PHKG1: variants seen among roughly 807,000 people sequenced by gnomAD.
The protein encoded by PHKG1 is phosphorylase b kinase gamma catalytic chain, skeletal muscle/heart isoform.
Under a neutral mutation model 50.5 loss-of-function variants are expected in PHKG1, and 48 were observed. The observed-to-expected ratio is 0.95, with a 90% CI of 0.75 to 1.21. The LOEUF is 1.21. PHKG1 is among the 50% of genes most tolerant of loss of function. The pLI is 0.00. For synonymous variants in PHKG1, 204 were observed against 212.8 expected, an observed-to-expected ratio of 0.96 and a Z score of 0.36; for missense variants, 487 against 519.5, an observed-to-expected ratio of 0.94 and a Z score of 0.61.
In PHKG1 at chr7:56,088,998, C is replaced by T. The variant is rs1021446328; in HGVS notation, c.-34-23G>A. 2.7e-5 allele frequency: 33 copies of T among 1,224,976 alleles called. No homozygotes were observed. The African/African-American group carries it at 2.8e-4, about 10-fold the overall frequency. The allele number at this position is 1,224,976 out of a possible 1,614,324, so 75.9% of individuals were successfully genotyped here. ...GCTCTGAGAGGGGAAAAGAAAGAAG[C>T]TGTCAGCCTTCCTGACCCAGGGGCT... On this transcript the variant is annotated intron_variant, in intron 1 of 9. Transcript: ENST00000297373.
chr7:56,087,462 A>C (rs1796304834), intron 3 of PHKG1, 136 bp downstream of exon 3: 6 of 752,726 alleles, frequency 8.0e-6, no homozygotes, highest in Non-Finnish European at 1.1e-5. Context: ...CTATCAGAGC[A>C]GTGAGGGTGG....
At chr7:56,088,605 C>A (rs1050230791) in intron 2 of PHKG1, 2 of 365,022 alleles carry the variant, frequency 5.5e-6, no homozygotes, top group Admixed American at 8.4e-5. Flanking sequence ...AATCCTCCCA[C>A]CTCAGCCTCC....
At position 56,088,906 on chromosome 7, in the gene PHKG1, A is replaced by G; in HGVS notation, c.36T>C (p.Ser12=). ...CATAATTCTCATAGAAGTCCTGTGC[A>G]GAATGAGAGTCCGGCAGTGCCTCGT... The part of the protein sequence containing the change: ...TRDEALPDSH[S]AQDFYENYEP... Residue 12 remains serine (S), a synonymous_variant, in exon 2 of 10, where the codon TCT becomes TCC. Coordinates refer to ENST00000297373, the MANE Select transcript of PHKG1 (RefSeq NM_006213.5). The G allele has an allele frequency of 6.2e-7, 1 of 1,613,930 alleles. No homozygotes were observed. Among genetic ancestry groups the G allele is most frequent in the Non-Finnish European group, 8.5e-7 (1 of 1,179,882 alleles).
In PHKG1 at chr7:56,080,652, C is replaced by G. The variant is rs1330280499; in HGVS notation, c.*402G>C. ...GGATGTCATGGGGCCAATAAAATCT[C>G]CTGCAATTGTGTATCTCAGACATTT... On this transcript the variant is annotated 3_prime_UTR_variant, in exon 10 of 10. Coordinates refer to ENST00000297373, the MANE Select transcript of PHKG1 (RefSeq NM_006213.5). 1.3e-5 allele frequency: 3 copies of G among 225,384 alleles called. No individual in the cohort carries two copies. In the Admixed American group the frequency reaches 1.6e-4, roughly 12 times the overall value. The allele number at this position is 225,384 out of a possible 1,614,324, so 14.0% of individuals were successfully genotyped here. A position where few individuals can be genotyped will look rare whatever the true frequency, so the allele number is the denominator to read the frequency against.
intron 6 of PHKG1, among the ~76,000 whole-genome samples, chr7:56,082,857 C>T (rs934398942): frequency 6.6e-6 from 1 of 151,890 alleles, no homozygotes; most frequent in Non-Finnish European, 1.5e-5. Context: ...CCTGTAATCA[C>T]AGCACTTTGG....
In PHKG1 at chr7:56,088,879, C is replaced by T. The variant is rs1348960310; in HGVS notation, c.63G>A (p.Glu21=). The change falls in exon 2 of 10, where the codon GAG becomes GAA. Residue 21 remains glutamate (E), a synonymous_variant. Coordinates refer to ENST00000297373, the MANE Select transcript of PHKG1 (RefSeq NM_006213.5). ...TTTACCTGCCCAGGATCTCTTTGGGCTCATAATTCTCATAGAAGTCCTGTG... is the reference window on the plus strand; with the variant it reads ...TTTACCTGCCCAGGATCTCTTTGGGTTCATAATTCTCATAGAAGTCCTGTG... The part of the protein sequence containing the change: ...HSAQDFYENY[E]PKEILGRGVS... The T allele has an allele frequency of 1.2e-6, 2 of 1,613,060 alleles. No homozygotes were observed. The highest frequency in any genetic ancestry group is 2.7e-5 in the African/African-American group (2 of 74,890).
intron 2 of PHKG1, among the ~76,000 whole-genome samples, chr7:56,088,039 T>A (rs1584630431): frequency 1.4e-5 from 2 of 145,486 alleles, no homozygotes; most frequent in South Asian, 4.4e-4. Context: ...CAGTGCTTTT[T>A]TTTTTTTTTT....
rs762514389 is a variant in PHKG1, at chr7:56,087,822, TG to T, written c.84-47del. On this transcript the variant is annotated intron_variant, in intron 2 of 9. Coordinates refer to ENST00000297373, the MANE Select transcript of PHKG1 (RefSeq NM_006213.5). ...TGGCCTCGGGGGGCCCCTCACCCCATGGGGGGTCCCAGATTAGAGGCTGCAG... is the reference window on the plus strand; with the variant it reads ...TGGCCTCGGGGGGCCCCTCACCCCATGGGGGTCCCAGATTAGAGGCTGCAG... 25 of 1,520,166 alleles carry T rather than the reference TG, an allele frequency of 1.6e-5. No homozygotes were observed. The South Asian group carries it at 2.6e-4, about 16-fold the overall frequency. 94.2% of individuals were successfully genotyped at this position (1,520,166 alleles called of 1,614,324 possible). A position where few individuals can be genotyped will look rare whatever the true frequency, so the allele number is the denominator to read the frequency against.
chr7:56,087,683 G>A lies in PHKG1; in HGVS notation c.177C>T (p.Phe59=), dbSNP rs762450128. Residue 59 remains phenylalanine, a synonymous_variant, in exon 3 of 10, where the codon TTC becomes TTT. Coordinates refer to ENST00000297373, the MANE Select transcript of PHKG1 (RefSeq NM_006213.5). The part of the protein sequence containing the change: ...KVIDVTGGGS[F]SPEEVRELRE... ...GCAGCTCCCGCACCTCCTCCGGGCT[G>A]AAGCTGCCTCCACCGGTGACGTCGA... 1.2e-6 allele frequency: 2 copies of A among 1,613,968 alleles called. No individual in the cohort carries two copies. The highest frequency in any genetic ancestry group is 3.3e-5 in the Admixed American group (2 of 60,000).
At chr7:56,082,626 G>A (rs1796062924) in intron 6 of PHKG1, among the ~76,000 whole-genome samples, 1 of 151,916 alleles carries the variant, frequency 6.6e-6, no homozygotes, top group Non-Finnish European at 1.5e-5. Flanking sequence ...AGAGACAATG[G>A]AGATGATGGA....
chr7:56,088,882 A>G lies in PHKG1; in HGVS notation c.60T>C (p.Tyr20=), dbSNP rs1796382620. Residue 20 remains tyrosine (Y), a synonymous_variant, in exon 2 of 10, where the codon TAT becomes TAC. Coordinates refer to ENST00000297373, the MANE Select transcript of PHKG1 (RefSeq NM_006213.5). ...SHSAQDFYEN[Y]EPKEILGRGV... ...ACCTGCCCAGGATCTCTTTGGGCTC[A>G]TAATTCTCATAGAAGTCCTGTGCAG... The G allele has an allele frequency of 2.5e-6, 4 of 1,613,408 alleles. No individual in the cohort carries two copies. The highest frequency in any genetic ancestry group is 3.4e-6 in the Non-Finnish European group (4 of 1,179,698).
chr7:56,083,597 G>A lies in PHKG1; in HGVS notation c.383+53C>T, dbSNP rs1366950759. On this transcript the variant is annotated intron_variant, in intron 5 of 9. Transcript: ENST00000297373. The stretch of plus-strand genomic sequence containing the variant: ...TGCCTCCCCTGAGACCCCAGTGCCT[G>A]TGGCCCTAAGCCACGTGGGAGGGAG... 5 of 1,521,160 alleles carry A rather than the reference G, an allele frequency of 3.3e-6. No homozygotes were observed. The African/African-American group carries it at 5.5e-5, about 17-fold the overall frequency. 94.2% of individuals were successfully genotyped at this position (1,521,160 alleles called of 1,614,324 possible). A position where few individuals can be genotyped will look rare whatever the true frequency, so the allele number is the denominator to read the frequency against.
At chr7:56,089,680 C>T (rs1294045577) in intron 1 of PHKG1, among the ~76,000 whole-genome samples, 2 of 151,998 alleles carry the variant, frequency 1.3e-5, no homozygotes, top group Admixed American at 6.6e-5. Flanking sequence ...CCTACCACCA[C>T]GCCTGGCTAA....
Position 56,081,729 on chromosome 7 carries a change from G to C in PHKG1, c.819C>G (p.Pro273=). ...DLVSRFLVVQ[P]QNRYTAEEAL... is the part of the protein sequence containing the mutation. ...CCTCTTCCGCTGTGTAGCGGTTCTG[G>C]GGTTGCACCACCAGGAATCGGGAGA... The change falls in exon 9 of 10, where the codon CCC becomes CCG. Residue 273 remains proline (P), a synonymous_variant. Coordinates refer to ENST00000297373, the MANE Select transcript of PHKG1 (RefSeq NM_006213.5). This position sits in a 1 kb window ranked among gnomAD's most constrained non-coding sequence, Gnocchi z 4.6. 1 of 1,613,828 alleles carries C rather than the reference G, an allele frequency of 6.2e-7. No homozygotes were observed. Among genetic ancestry groups the C allele is most frequent in the African/African-American group, 1.3e-5 (1 of 75,044 alleles).
chr7:56,080,953 C>T lies in PHKG1; in HGVS notation c.*101G>A. 7.2e-7 allele frequency: 1 copy of T among 1,389,318 alleles called. No homozygotes were observed. Among genetic ancestry groups the T allele is most frequent in the Non-Finnish European group, 9.8e-7 (1 of 1,021,490 alleles). 86.1% of individuals were successfully genotyped at this position (1,389,318 alleles called of 1,614,324 possible). A position where few individuals can be genotyped will look rare whatever the true frequency, so the allele number is the denominator to read the frequency against. On this transcript the variant is annotated 3_prime_UTR_variant, in exon 10 of 10. Transcript: ENST00000297373. ...AGGGGTTCCTGGCCAGGGCCAAGTG[C>T]TCCTTCTGCAGAGGCCTGCACGCAT...
In PHKG1 at chr7:56,083,459, CT is replaced by C. The variant is rs1796115002; in HGVS notation, c.384-19del. Reference sequence around the variant, plus strand: ...TGATCTTTCTAGGGTGGGGCACACACTTGTTACTCTTCCTCTGCTCAGGGTC... The same window carrying C: ...TGATCTTTCTAGGGTGGGGCACACACTGTTACTCTTCCTCTGCTCAGGGTC... On this transcript the variant is annotated intron_variant, in intron 5 of 9. Transcript: ENST00000297373. 5.6e-6 allele frequency: 9 copies of C among 1,613,114 alleles called. No individual in the cohort carries two copies. The highest frequency in any genetic ancestry group is 7.6e-6 in the Non-Finnish European group (9 of 1,179,312).
intron 1 of PHKG1, among the ~76,000 whole-genome samples, chr7:56,089,634 C>T (rs529220210): frequency 1.3e-5 from 2 of 148,548 alleles, no homozygotes; most frequent in South Asian, 4.2e-4. Context: ...AGCGATTCTC[C>T]TGCCTCAGCC....
chr7:56,085,023 C>T (rs1337039626), intron 4 of PHKG1, among the ~76,000 whole-genome samples: 1 of 151,886 alleles, frequency 6.6e-6, no homozygotes, highest in Non-Finnish European at 1.5e-5. Context: ...TGCAGTGGCA[C>T]GATCTCAGCT....
chr7:56,083,658 C>A lies in PHKG1; in HGVS notation c.375G>T (p.Lys125Asn). Residue 125 changes from lysine to asparagine, a missense_variant, in exon 5 of 10, where the codon AAG (lysine) becomes AAT (asparagine). By Grantham distance (94) the Lys-to-Asn change is moderately conservative (BLOSUM62 0). Transcript: ENST00000297373. ...YLTEKVTLSE[K>N]ETRKIMRALL... ...GGCAAAGGGACCCTCACCTGGTTTCCTTCTCACTCAAGGTGACCTTCTCAG... is the reference window on the plus strand; with the variant it reads ...GGCAAAGGGACCCTCACCTGGTTTCATTCTCACTCAAGGTGACCTTCTCAG... 1 of 1,582,746 alleles carries A rather than the reference C, an allele frequency of 6.3e-7. No homozygotes were observed.
Sources: allele counts gnomAD v4.1 joint callset (sites outside exome capture counted in the v4.1 genomes callset), GRCh38; gene constraint gnomAD v4.1.1; non-coding constraint Gnocchi (gnomAD v3.1); transcripts MANE v1.5; gene names NCBI Gene and HGNC (gene_info 2026-07-23, HGNC 2026-07-21).